PDS5A: variants seen among roughly 807,000 people sequenced by gnomAD.
The protein encoded by PDS5A is sister chromatid cohesion protein PDS5 homolog A.
A neutral mutation model predicts 167.1 loss-of-function variants in PDS5A; 42 were observed. That is an observed-to-expected ratio of 0.25 (90% CI 0.20 to 0.33). The LOEUF (loss-of-function observed/expected upper bound fraction) is 0.33. Among genes scored for constraint, PDS5A ranks in the 10% least tolerant of loss-of-function variants. PDS5A has a pLI of 1.00. For synonymous variants in PDS5A, 553 were observed against 554.6 expected, an observed-to-expected ratio of 1.00 and a Z score of 0.04; for missense variants, 1,033 against 1,605.9, an observed-to-expected ratio of 0.64 and a Z score of 6.10.
intron 2 of PDS5A, chr4:39,973,480 C>G: frequency 2.2e-6 from 3 of 1,346,180 alleles, no homozygotes; most frequent in Admixed American, 3.4e-5. Context: ...CGTGAAAAAT[C>G]TTGATGATAG....
intron 13 of PDS5A, among the ~76,000 whole-genome samples, chr4:39,901,055 AAC>A (rs1722834668): frequency 6.6e-6 from 1 of 152,182 alleles, no homozygotes; most frequent in Non-Finnish European, 1.5e-5. Context: ...TCTCTCCAGG[AAC>A]ACAGATTTTC....
chr4:39,927,039 T>C (rs1304513721), intron 3 of PDS5A, among the ~76,000 whole-genome samples, 178 bp from the exon 4 acceptor site: 8 of 152,160 alleles, frequency 5.3e-5, no homozygotes. Flanking sequence ...TCCAATCAAA[T>C]AAAATTATAC....
Position 39,841,982 on chromosome 4 carries a change from G to A in PDS5A, c.3623C>T (p.Thr1208Ile). The A allele has an allele frequency of 6.2e-7, 1 of 1,602,020 alleles. No homozygotes were observed. Among genetic ancestry groups the A allele is most frequent in the Admixed American group, 1.7e-5 (1 of 59,996 alleles). ...EENPVRIISV[T>I]PVKNIDPVKN... Reference sequence around the variant, plus strand: ...TACTGGGTCAATATTCTTTACAGGTGTGACTGAAATAATCCTCACAGGGTT... The same window carrying A: ...TACTGGGTCAATATTCTTTACAGGTATGACTGAAATAATCCTCACAGGGTT... Residue 1208 changes from threonine (T) to isoleucine (I), a missense_variant, in exon 31 of 33, where the codon ACA becomes ATA. Physicochemically the swap from Thr to Ile is moderately conservative, Grantham distance 89. This residue lies in a region of PDS5A where 233 missense variants were observed against 264.0 expected (regional missense o/e 0.88). Coordinates refer to ENST00000303538, the MANE Select transcript of PDS5A (RefSeq NM_001100399.2).
At chr4:39,873,222 T>TGA in intron 20 of PDS5A, 78 bp from the exon 21 acceptor site, 1 of 827,994 alleles carries the variant, frequency 1.2e-6, no homozygotes, top group South Asian at 4.0e-5. Context: ...TACATTTTCC[T>TGA]GAGTCCTCCT....
intron 17 of PDS5A, among the ~76,000 whole-genome samples, chr4:39,884,342 A>G (rs767750601): frequency 4.6e-5 from 7 of 152,222 alleles, no homozygotes; most frequent in Admixed American, 6.5e-5. Context: ...TCCCTTTAAC[A>G]TGCTCAAGCC....
chr4:39,910,636 A>G (rs1415554404), intron 9 of PDS5A, among the ~76,000 whole-genome samples: 1 of 152,260 alleles, frequency 6.6e-6, no homozygotes, highest in East Asian at 1.9e-4. Flanking sequence ...TTAAAATCTG[A>G]GAGCTTAATA....
chr4:39,900,172 A>T (rs1301545034), intron 14 of PDS5A, among the ~76,000 whole-genome samples: 1 of 152,198 alleles, frequency 6.6e-6, no homozygotes, highest in Non-Finnish European at 1.5e-5. Context: ...AAATTGATTA[A>T]CTATAAACTC....
intron 17 of PDS5A, among the ~76,000 whole-genome samples, chr4:39,889,984 C>T (rs909658094): frequency 3.9e-5 from 6 of 152,186 alleles, no homozygotes; most frequent in African/African-American, 1.4e-4. Context: ...CTTTTTCTGT[C>T]TTTCTCTTTG....
At position 39,823,419 on chromosome 4, in the gene PDS5A, C is replaced by T. The variant is rs1488744843; in HGVS notation, c.*2066G>A. 6.6e-6 allele frequency: 1 copy of T among 152,336 alleles called. No homozygotes were observed. The highest frequency in any genetic ancestry group is 1.5e-5 in the Non-Finnish European group (1 of 68,022). 9.4% of individuals were successfully genotyped at this position (152,336 alleles called of 1,614,324 possible). ...CAGGAATATATTGATGCAGATGGTT[C>T]TGCTACATTTTATTTAATATGATGT... On this transcript the variant is annotated 3_prime_UTR_variant, in exon 33 of 33. Transcript: ENST00000303538.
At chr4:39,917,629 C>T (rs1479925245) in intron 7 of PDS5A, among the ~76,000 whole-genome samples, 1 of 151,932 alleles carries the variant, frequency 6.6e-6, no homozygotes, top group African/African-American at 2.4e-5. Flanking sequence ...GGCTAGAGTA[C>T]AGTGGCGTGA....
rs1195903788 is a variant in PDS5A, at chr4:39,904,097, A to T, written c.1328T>A (p.Val443Asp). Reference protein sequence around the residue: ...GEAGKEAAEKVSWIKDKLLHI... With the variant: ...GEAGKEAAEKDSWIKDKLLHI... The stretch of plus-strand genomic sequence containing the variant: ...CAGAAGTTTGTCCTTTATCCAGCTG[A>T]CTTTCTCTGCAGCTTCCTTTCCTGC... The change falls in exon 12 of 33, where the codon GTC becomes GAC. Residue 443 changes from valine to aspartate, a missense_variant. This residue lies in a region of PDS5A where 388 missense variants were observed against 615.1 expected (regional missense o/e 0.63). Coordinates refer to ENST00000303538, the MANE Select transcript of PDS5A (RefSeq NM_001100399.2). 6.2e-7 allele frequency: 1 copy of T among 1,612,062 alleles called. No individual in the cohort carries two copies. Among genetic ancestry groups the T allele is most frequent in the Non-Finnish European group, 8.5e-7 (1 of 1,178,584 alleles).
intron 2 of PDS5A, among the ~76,000 whole-genome samples, chr4:39,941,503 C>A (rs1458599975): frequency 6.6e-6 from 1 of 152,168 alleles, no homozygotes; most frequent in Admixed American, 6.6e-5. Flanking sequence ...TTTCCTATTT[C>A]GTACTATTAT....
chr4:39,906,643 G>A (rs1236788748), intron 11 of PDS5A, among the ~76,000 whole-genome samples: 3 of 151,248 alleles, frequency 2.0e-5, no homozygotes, highest in Admixed American at 6.6e-5. Flanking sequence ...GCAGCTGAGT[G>A]TGATGGTGGG....
At position 39,926,820 on chromosome 4, in the gene PDS5A, C is replaced by T; in HGVS notation, c.384G>A (p.Glu128=). The change falls in exon 4 of 33, where the codon GAG becomes GAA. Residue 128 remains glutamate, a synonymous_variant. Coordinates refer to ENST00000303538, the MANE Select transcript of PDS5A (RefSeq NM_001100399.2). ...LFITRQLKGL[E]DTKSPQFNRY... is the part of the protein sequence containing the mutation. Reference sequence around the variant, plus strand: ...TATTAAACTGTGGACTCTTTGTATCCTCCAAACCTTTTAATTGTCTGGTAA... The same window carrying T: ...TATTAAACTGTGGACTCTTTGTATCTTCCAAACCTTTTAATTGTCTGGTAA... The T allele has an allele frequency of 1.4e-6, 2 of 1,420,694 alleles. No individual in the cohort carries two copies. Among genetic ancestry groups the T allele is most frequent in the Non-Finnish European group, 1.9e-6 (2 of 1,079,760 alleles). The allele number at this position is 1,420,694 out of a possible 1,614,324, so 88.0% of individuals were successfully genotyped here.
chr4:39,964,805 T>G (rs1279135516), intron 2 of PDS5A, among the ~76,000 whole-genome samples: 1 of 152,010 alleles, frequency 6.6e-6, no homozygotes, highest in Non-Finnish European at 1.5e-5. Context: ...TAGGTGGGCA[T>G]GGTGGCACAT....
rs183408497 is a variant in PDS5A at position 39,961,403 on chromosome 4, C to T, written c.138+15037G>A. ...CTCAGCCTCCTCAGTAGCTGGGAGG[C>T]GCCCGCCACCATGCCCGCTAATTTT... On this transcript the variant is annotated intron_variant, in intron 2 of 32. Coordinates refer to ENST00000303538, the MANE Select transcript of PDS5A (RefSeq NM_001100399.2). 8.5e-4 allele frequency among the ~76,000 whole-genome samples: 129 copies of T among 152,034 alleles called. 1 individual carries two copies. Among genetic ancestry groups the T allele is most frequent in the Admixed American group, 6.6e-3 (101 of 15,240 alleles).
chr4:39,920,520 A>C, intron 6 of PDS5A, 121 bp from the exon 7 acceptor site: 1 of 439,424 alleles, frequency 2.3e-6, no homozygotes, highest in Non-Finnish European at 4.1e-6. Context: ...CTAAAATATG[A>C]AGCAAAAATA....
intron 6 of PDS5A, 118 bp from the exon 7 acceptor site, chr4:39,920,517 A>G (rs1724858559): frequency 4.6e-6 from 2 of 436,768 alleles, no homozygotes; most frequent in Non-Finnish European, 8.3e-6. Flanking sequence ...TCACTAAAAT[A>G]TGAAGCAAAA....
rs1344151216 is a variant in PDS5A at position 39,904,156 on chromosome 4, A to G, written c.1269T>C (p.Ala423=). Residue 423 remains alanine, a synonymous_variant, in exon 12 of 33, where the codon GCT becomes GCC. Coordinates refer to ENST00000303538, the MANE Select transcript of PDS5A (RefSeq NM_001100399.2). ...GAAGACAGTATTTCTTATAAAGCTG[A>G]GCCAGACCCATCATAGCTTCTTTTC... ...RVRKEAMMGL[A]QLYKKYCLHG... The G allele has an allele frequency of 1.2e-6, 2 of 1,610,036 alleles. No individual in the cohort carries two copies. Among genetic ancestry groups the G allele is most frequent in the East Asian group, 4.5e-5 (2 of 44,826 alleles).
Sources: gnomAD v4.1 joint callset for allele counts (sites outside exome capture counted in the v4.1 genomes callset) on GRCh38, gnomAD v4.1.1 for gene constraint, gnomAD v4.1.1 regional missense constraint, MANE v1.5 for transcripts, NCBI Gene and HGNC (gene_info 2026-07-23, HGNC 2026-07-21) for gene names.